PRDM6: variants seen among roughly 807,000 people sequenced by gnomAD.
PRDM6 encodes the protein putative histone-lysine N-methyltransferase PRDM6.
A neutral mutation model predicts 60.8 loss-of-function variants in PRDM6; 25 were observed. The ratio of observed to expected loss-of-function variants is 0.41; its 90% confidence interval spans 0.30 to 0.57. PRDM6 has a LOEUF of 0.57. PRDM6 is among the 20% of genes least tolerant of loss of function. The pLI is 0.27. For missense variants in PRDM6, 839 were observed against 821.3 expected (o/e 1.02, Z -0.26); for synonymous variants, 407 against 357.4 (o/e 1.14, Z -1.57).
intron 3 of PRDM6, among the ~76,000 whole-genome samples, chr5:123,136,252 A>T (rs1764946726): frequency 6.6e-6 from 1 of 152,214 alleles, no homozygotes; most frequent in Non-Finnish European, 1.5e-5. Context: ...GACTATGATC[A>T]TATGACTACA....
intron 3 of PRDM6, among the ~76,000 whole-genome samples, chr5:123,107,599 A>ATCATCCTTTTGTTTTCAG (rs1764223968): frequency 6.6e-6 from 1 of 152,226 alleles, no homozygotes; most frequent in South Asian, 2.1e-4. Flanking sequence ...TTTGTTTCTA[A>ATCATCCTTTTGTTTTCAG]TCATCCTTTT....
chr5:123,132,267 G>A (rs1286639134), intron 3 of PRDM6, among the ~76,000 whole-genome samples: 1 of 152,130 alleles, frequency 6.6e-6, no homozygotes, highest in Admixed American at 6.5e-5. Context: ...CACGTGGGGT[G>A]TATAAATGTA....
chr5:123,132,541 G>A (rs1259515013), intron 3 of PRDM6, among the ~76,000 whole-genome samples: 1 of 152,000 alleles, frequency 6.6e-6, no homozygotes, highest in Non-Finnish European at 1.5e-5. Flanking sequence ...CATATCTCTG[G>A]TGAAGCACTC....
Position 123,170,991 on chromosome 5 carries a change from C to G in PRDM6, c.1379C>G (p.Thr460Arg). ...CGAGTCCTGGCAAGCCCAACTTCCACAAGCCAGCTCCACTCGGAGTTCAGT... is the reference window on the plus strand; with the variant it reads ...CGAGTCCTGGCAAGCCCAACTTCCAGAAGCCAGCTCCACTCGGAGTTCAGT... ...NQRVLASPTS[T>R]SQLHSEFSDW... is the part of the protein sequence containing the mutation. The change falls in exon 6 of 8, where the codon ACA becomes AGA. Residue 460 changes from threonine (T) to arginine (R), a missense_variant. Thr to Arg is a moderately conservative substitution (Grantham distance 71). Transcript: ENST00000407847. The G allele has an allele frequency of 6.4e-7, 1 of 1,551,860 alleles. No homozygotes were observed. The highest frequency in any genetic ancestry group is 8.7e-7 in the Non-Finnish European group (1 of 1,147,038).
At position 123,141,555 on chromosome 5, in the gene PRDM6, C is replaced by T. The variant is rs577494704; in HGVS notation, c.901-14329C>T. ...GCTTACTCTATAGAGTTATTATTCT[C>T]TTCTTATACACAAGAATGAGCTTGG... On this transcript the variant is annotated intron_variant, in intron 3 of 7. Coordinates refer to ENST00000407847, the MANE Select transcript of PRDM6 (RefSeq NM_001136239.4). Among the ~76,000 whole-genome samples the T allele has an allele frequency of 3.9e-5, 6 of 152,104 alleles. No individual in the cohort carries two copies. The South Asian group carries it at 8.3e-4, about 21-fold the overall frequency.
chr5:123,138,891 C>T (rs1765033115), intron 3 of PRDM6, among the ~76,000 whole-genome samples: 1 of 152,182 alleles, frequency 6.6e-6, no homozygotes. Flanking sequence ...TGGTTTTGCT[C>T]TGTGTCCTCG....
intron 2 of PRDM6, among the ~76,000 whole-genome samples, chr5:123,091,868 C>T (rs1025205865): frequency 2.6e-5 from 4 of 152,050 alleles, no homozygotes; most frequent in African/African-American, 9.7e-5. Context: ...CTGTGAACTT[C>T]TTAATTCGTT....
chr5:123,191,066 G>C lies in PRDM6; in HGVS notation c.*3865G>C, dbSNP rs967663731. The stretch of plus-strand genomic sequence containing the variant: ...GTTAGCAGCAGTATCAAGAGACCAG[G>C]ATTAGGGCCTGGGTCTTGGGTTTTT... On this transcript the variant is annotated 3_prime_UTR_variant, in exon 8 of 8. Coordinates refer to ENST00000407847, the MANE Select transcript of PRDM6 (RefSeq NM_001136239.4). The C allele has an allele frequency of 1.3e-5, 2 of 152,112 alleles. No homozygotes were observed. Among genetic ancestry groups the C allele is most frequent in the African/African-American group, 4.8e-5 (2 of 41,408 alleles). The allele number at this position is 152,112 out of a possible 1,614,324, so 9.4% of individuals were successfully genotyped here.
chr5:123,186,438 C>T (rs1370791808), intron 7 of PRDM6, among the ~76,000 whole-genome samples: 3 of 152,212 alleles, frequency 2.0e-5, no homozygotes, highest in African/African-American at 4.8e-5. Context: ...TCATCAGACA[C>T]ACTGCCCTTA....
chr5:123,112,693 C>T lies in PRDM6; in HGVS notation c.900+12732C>T, dbSNP rs377124896. Among the ~76,000 whole-genome samples the T allele has an allele frequency of 4.6e-5, 7 of 151,976 alleles. No homozygotes were observed. In the East Asian group the frequency reaches 1.4e-3, roughly 29 times the overall value. ...CACTAACTGCTGGCACTCACATCTC[C>T]CCTAATCTTTATCCTTATCTTTAAT... On this transcript the variant is annotated intron_variant, in intron 3 of 7. Coordinates refer to ENST00000407847, the MANE Select transcript of PRDM6 (RefSeq NM_001136239.4).
intron 3 of PRDM6, among the ~76,000 whole-genome samples, chr5:123,105,338 C>G (rs337127): frequency 0.11 from 16,233 of 152,170 alleles, 998 homozygotes; most frequent in South Asian, 0.21. Flanking sequence ...CCTGCCCTCC[C>G]CAGTCACTGC....
chr5:123,157,886 A>G (rs1765538930), intron 4 of PRDM6, among the ~76,000 whole-genome samples: 1 of 152,248 alleles, frequency 6.6e-6, no homozygotes, highest in Non-Finnish European at 1.5e-5. Flanking sequence ...TTCCACTTCA[A>G]CTGCGTTGGG....
intron 3 of PRDM6, among the ~76,000 whole-genome samples, chr5:123,126,892 C>T (rs6872465): frequency 0.015 from 2,322 of 152,212 alleles, 26 homozygotes; most frequent in Middle Eastern, 0.054. Flanking sequence ...TGTTTTATAA[C>T]GTGACACAAA....
intron 3 of PRDM6, among the ~76,000 whole-genome samples, chr5:123,132,811 TA>T (rs1252064661): frequency 1.3e-5 from 2 of 152,180 alleles, no homozygotes; most frequent in Non-Finnish European, 2.9e-5. Flanking sequence ...TTGTTTTAAT[TA>T]TTTAAAAAAT....
chr5:123,170,079 CTTAT>C (rs1431581674), intron 5 of PRDM6, among the ~76,000 whole-genome samples: 1 of 152,092 alleles, frequency 6.6e-6, no homozygotes. Context: ...TCTGAAATAT[CTTAT>C]TTATTTATTT....
rs973699851 is a variant in PRDM6 at position 123,189,549 on chromosome 5, C to T, written c.*2348C>T. Reference sequence around the variant, plus strand: ...AGCTTTGCTAGCTGATCCCAAACTTCCACTGAATGTGGCAGTAACCTGTAC... The same window carrying T: ...AGCTTTGCTAGCTGATCCCAAACTTTCACTGAATGTGGCAGTAACCTGTAC... On this transcript the variant is annotated 3_prime_UTR_variant, in exon 8 of 8. Transcript: ENST00000407847. The T allele has an allele frequency of 6.6e-6, 1 of 152,192 alleles. No individual in the cohort carries two copies. The highest frequency in any genetic ancestry group is 2.4e-5 in the African/African-American group (1 of 41,442). The allele number at this position is 152,192 out of a possible 1,614,324, so 9.4% of individuals were successfully genotyped here.
rs1284798664 is a variant in PRDM6 at position 123,189,420 on chromosome 5, T to A, written c.*2219T>A. On this transcript the variant is annotated 3_prime_UTR_variant, in exon 8 of 8. Coordinates refer to ENST00000407847, the MANE Select transcript of PRDM6 (RefSeq NM_001136239.4). The stretch of plus-strand genomic sequence containing the variant: ...CAGTGGAACACCATGTACTACTCAG[T>A]TCTCATGAGCTTCAGAACGTGGGAG... The A allele has an allele frequency of 6.6e-6, 1 of 152,114 alleles. No homozygotes were observed. Among genetic ancestry groups the A allele is most frequent in the Non-Finnish European group, 1.5e-5 (1 of 68,014 alleles). The allele number at this position is 152,114 out of a possible 1,614,324, so 9.4% of individuals were successfully genotyped here.
At chr5:123,155,354 C>T (rs1490330504) in intron 3 of PRDM6, among the ~76,000 whole-genome samples, 1 of 145,798 alleles carries the variant, frequency 6.9e-6, no homozygotes, top group Non-Finnish European at 1.5e-5. Context: ...GGTGAGAGTC[C>T]ATTTATTTCA....
chr5:123,101,438 T>C (rs1410235067), intron 3 of PRDM6, among the ~76,000 whole-genome samples: 1 of 152,226 alleles, frequency 6.6e-6, no homozygotes, highest in East Asian at 1.9e-4. Context: ...TTTTGGTTTT[T>C]GTTTCTGACT....
Sources: gnomAD v4.1 joint callset for allele counts (sites outside exome capture counted in the v4.1 genomes callset) on GRCh38, gnomAD v4.1.1 for gene constraint, MANE v1.5 for transcripts, NCBI Gene and HGNC (gene_info 2026-07-23, HGNC 2026-07-21) for gene names.